INPP4A: variants seen among roughly 807,000 people sequenced by gnomAD.
The protein encoded by INPP4A is inositol polyphosphate-4-phosphatase type I A, also known as inositol polyphosphate-4-phosphatase, type I, 107kD.
Under a neutral mutation model 119.8 loss-of-function variants are expected in INPP4A, and 33 were observed. The observed-to-expected ratio is 0.28, with a 90% CI of 0.21 to 0.37. The LOEUF is 0.37. INPP4A is among the 10% of genes least tolerant of loss of function. INPP4A has a pLI of 1.00. For synonymous variants in INPP4A, 496 were observed against 500.7 expected (o/e 0.99, Z 0.12); for missense variants, 956 against 1,289.9 (o/e 0.74, Z 3.97).
At chr2:98,523,481 G>A (rs1187625913) in intron 4 of INPP4A, among the ~76,000 whole-genome samples, 2 of 150,712 alleles carry the variant, frequency 1.3e-5, no homozygotes, top group African/African-American at 2.4e-5. Context: ...TGCAAGCTCC[G>A]CCTCCTGGGT....
intron 16 of INPP4A, among the ~76,000 whole-genome samples, chr2:98,557,285 G>A (rs552602835): frequency 6.6e-6 from 1 of 152,336 alleles, no homozygotes; most frequent in East Asian, 1.9e-4. Flanking sequence ...GGAATGTGAA[G>A]CTTACATTTG....
At chr2:98,476,087 G>C (rs1677149468) in intron 1 of INPP4A, among the ~76,000 whole-genome samples, 1 of 152,138 alleles carries the variant, frequency 6.6e-6, no homozygotes, top group South Asian at 2.1e-4. Flanking sequence ...AGTCAGACTT[G>C]CCACATGAAA....
At chr2:98,582,196 C>T (rs1023161735) in intron 24 of INPP4A, among the ~76,000 whole-genome samples, 5 of 152,154 alleles carry the variant, frequency 3.3e-5, no homozygotes, top group East Asian at 1.9e-4. Context: ...TGATGACAAA[C>T]GAAAAGAAAA....
rs1444729015 is a variant in INPP4A at position 98,577,105 on chromosome 2, C to A, written c.2748C>A (p.Ala916=). 1 of 1,613,502 alleles carries A rather than the reference C, an allele frequency of 6.2e-7. No homozygotes were observed. Among genetic ancestry groups the A allele is most frequent in the Non-Finnish European group, 8.5e-7 (1 of 1,179,712 alleles). The part of the protein sequence containing the change: ...CLILQHEHGM[A]PQVFTQALEC... ...TCCTGCAACACGAGCATGGCATGGC[C>A]CCGCAGGTCTTCACCCAGGCCCTGG... Residue 916 remains alanine, a synonymous_variant, in exon 24 of 25, where the codon GCC becomes GCA. Coordinates refer to ENST00000409851, the MANE Select transcript of INPP4A (RefSeq NM_001134225.2).
chr2:98,568,102 G>A (rs527632799), intron 21 of INPP4A, among the ~76,000 whole-genome samples: 5 of 152,354 alleles, frequency 3.3e-5, no homozygotes, highest in Admixed American at 2.0e-4. Context: ...GATGACGAAA[G>A]GGCAAGGGCT....
Position 98,554,208 on chromosome 2 carries a change from A to G in INPP4A, c.1348-63A>G. 1.5e-6 allele frequency: 2 copies of G among 1,292,420 alleles called. No individual in the cohort carries two copies. The highest frequency in any genetic ancestry group is 2.7e-4 in the Middle Eastern group (1 of 3,746). 80.1% of individuals were successfully genotyped at this position (1,292,420 alleles called of 1,614,324 possible). On this transcript the variant is annotated intron_variant, in intron 14 of 24. Transcript: ENST00000409851. The surrounding 1 kb of genome is among the most constrained non-coding windows in gnomAD (Gnocchi z 4.7). ...TAAGCCCATTCTCCATTTCTGAGAT[A>G]AGGCAGGGGCCTCCCCAGCCCCTGG... is the stretch of plus-strand genomic sequence containing the variant.
intron 1 of INPP4A, among the ~76,000 whole-genome samples, chr2:98,498,856 G>A (rs1682572943): frequency 6.6e-6 from 1 of 152,226 alleles, no homozygotes; most frequent in African/African-American, 2.4e-5. Flanking sequence ...GAAGGTGACT[G>A]TAAGCCAAAG....
At chr2:98,513,255 G>C (rs1685473851) in intron 1 of INPP4A, among the ~76,000 whole-genome samples, 1 of 152,178 alleles carries the variant, frequency 6.6e-6, no homozygotes, top group South Asian at 2.1e-4. Context: ...CTTGACATCA[G>C]ATGGCAGTTT....
rs1320544049 is a variant in INPP4A, at chr2:98,566,061, G to A, written c.2312G>A (p.Gly771Asp). 5 of 1,604,746 alleles carry A rather than the reference G, an allele frequency of 3.1e-6. No homozygotes were observed. The highest frequency in any genetic ancestry group is 4.3e-6 in the Non-Finnish European group (5 of 1,176,078). The stretch of plus-strand genomic sequence containing the variant: ...TTTAACGTGCGGGTCCCTCTGCCGG[G>A]CCCGCTGTTTGACGCCTTGCCCCGG... ...DGFNVRVPLPGPLFDALPREI... is the reference protein window; with the variant it reads ...DGFNVRVPLPDPLFDALPREI... Residue 771 changes from glycine (G) to aspartate (D), a missense_variant, in exon 21 of 25, where the codon GGC (glycine) becomes GAC (aspartate). This residue lies in a region of INPP4A where 304 missense variants were observed against 492.1 expected (regional missense o/e 0.62). Transcript: ENST00000409851. This position sits in a 1 kb window ranked among gnomAD's most constrained non-coding sequence, Gnocchi z 4.2.
Position 98,588,183 on chromosome 2 carries a change from T to C in INPP4A, c.*575T>C, listed in dbSNP as rs1011398889. 5.7e-5 allele frequency: 12 copies of C among 211,538 alleles called. No individual in the cohort carries two copies. The highest frequency in any genetic ancestry group is 2.3e-5 in the African/African-American group (1 of 44,146). 13.1% of individuals were successfully genotyped at this position (211,538 alleles called of 1,614,324 possible). ...CCACCTGAAGAAGTTGAAAGAAAGA[T>C]TGATAAATCAACGGGAGATAAGACT... is the stretch of plus-strand genomic sequence containing the variant. On this transcript the variant is annotated 3_prime_UTR_variant, in exon 25 of 25. Transcript: ENST00000409851.
rs984018952 is a variant in INPP4A at position 98,566,351 on chromosome 2, C to A, written c.2420+182C>A. 3.9e-5 allele frequency among the ~76,000 whole-genome samples: 6 copies of A among 152,172 alleles called. No homozygotes were observed. The highest frequency in any genetic ancestry group is 1.4e-4 in the African/African-American group (6 of 41,488). ...TTTGGTGCTAGGGACACAGAGTGAC[C>A]CAGAGGTGGTCTCTGTCCTCAGGGA... On this transcript the variant is annotated intron_variant, in intron 21 of 24. Coordinates refer to ENST00000409851, the MANE Select transcript of INPP4A (RefSeq NM_001134225.2). This position sits in a 1 kb window ranked among gnomAD's most constrained non-coding sequence, Gnocchi z 4.2.
intron 1 of INPP4A, among the ~76,000 whole-genome samples, chr2:98,493,769 G>A (rs1681347653): frequency 6.6e-6 from 1 of 152,110 alleles, no homozygotes; most frequent in Non-Finnish European, 1.5e-5. Context: ...TATTCACCAG[G>A]TTAATGCCAG....
At chr2:98,451,224 C>G (rs1695166388) in intron 1 of INPP4A, among the ~76,000 whole-genome samples, 1 of 152,208 alleles carries the variant, frequency 6.6e-6, no homozygotes, top group African/African-American at 2.4e-5. Context: ...CAGCTGGCCT[C>G]TGGTGTTTGC....
chr2:98,550,198 G>A lies in INPP4A; in HGVS notation c.1164-2588G>A, dbSNP rs183746689. On this transcript the variant is annotated intron_variant, in intron 13 of 24. Transcript: ENST00000409851. ...AATCTGGGCCTGGTCACCCCTTGCC[G>A]TCTCCCCCCTGCTCCCCATATACAA... Among the ~76,000 whole-genome samples, 38 of 152,146 alleles carry A rather than the reference G, an allele frequency of 2.5e-4. No individual in the cohort carries two copies. In the East Asian group the frequency reaches 5.8e-3, roughly 23 times the overall value.
intron 5 of INPP4A, among the ~76,000 whole-genome samples, chr2:98,534,890 A>G (rs1689936355): frequency 6.6e-6 from 1 of 152,326 alleles, no homozygotes; most frequent in African/African-American, 2.4e-5. Context: ...GTTGAGAACA[A>G]CAGAGAAGAA....
chr2:98,458,106 A>G (rs1696474262), intron 1 of INPP4A, among the ~76,000 whole-genome samples: 1 of 151,446 alleles, frequency 6.6e-6, no homozygotes, highest in African/African-American at 2.4e-5. Flanking sequence ...AGCATGAGCC[A>G]TCACACCCTG....
At position 98,566,319 on chromosome 2, in the gene INPP4A, C is replaced by T. The variant is rs138853159; in HGVS notation, c.2420+150C>T. On this transcript the variant is annotated intron_variant, in intron 21 of 24. Coordinates refer to ENST00000409851, the MANE Select transcript of INPP4A (RefSeq NM_001134225.2). The surrounding 1 kb of genome is among the most constrained non-coding windows in gnomAD (Gnocchi z 4.2). ...ACATTTTCATCATGGCCGTGCACCT[C>T]ACTGTCTTTGGTGCTAGGGACACAG... is the stretch of plus-strand genomic sequence containing the variant. 2.6e-4 allele frequency: 237 copies of T among 897,392 alleles called. No individual in the cohort carries two copies. In the African/African-American group the frequency reaches 3.6e-3, roughly 14 times the overall value. 55.6% of individuals were successfully genotyped at this position (897,392 alleles called of 1,614,324 possible).
intron 1 of INPP4A, among the ~76,000 whole-genome samples, chr2:98,465,454 CTTAAT>C (rs1420007062): frequency 6.6e-6 from 1 of 152,202 alleles, no homozygotes; most frequent in Non-Finnish European, 1.5e-5. Flanking sequence ...AGATTCGAAA[CTTAAT>C]TGAGTCTGCA....
At chr2:98,579,467 C>T (rs975071375) in intron 24 of INPP4A, among the ~76,000 whole-genome samples, 1 of 152,268 alleles carries the variant, frequency 6.6e-6, no homozygotes, top group African/African-American at 2.4e-5. Context: ...CCCCTAGCCA[C>T]ATTGCCTTAG....
Sources: gnomAD v4.1 joint callset for allele counts (sites outside exome capture counted in the v4.1 genomes callset) on GRCh38, gnomAD v4.1.1 for gene constraint, gnomAD v4.1.1 regional missense constraint, Gnocchi (gnomAD v3.1) non-coding constraint, MANE v1.5 for transcripts, NCBI Gene and HGNC (gene_info 2026-07-23, HGNC 2026-07-21) for gene names.